LARP1B: variants seen among roughly 807,000 people sequenced by gnomAD.
LARP1B encodes La ribonucleoprotein 1B.
In LARP1B, 76 loss-of-function variants were observed where a neutral mutation model predicts 114.2. The observed-to-expected ratio is 0.67, with a 90% CI of 0.55 to 0.81. LARP1B has a LOEUF of 0.81. Among genes scored for constraint, LARP1B ranks in the 30% least tolerant of loss-of-function variants. The pLI, the probability that LARP1B is intolerant of heterozygous loss-of-function variation, is 0.00. For missense variants in LARP1B, 1,014 were observed against 1,075.8 expected (o/e 0.94, Z 0.80); for synonymous variants, 345 against 348.0 (o/e 0.99, Z 0.10).
chr4:128,128,992 G>A (rs1215486651), intron 11 of LARP1B, among the ~76,000 whole-genome samples: 2 of 151,568 alleles, frequency 1.3e-5, no homozygotes, highest in Non-Finnish European at 2.9e-5. Context: ...GTGAAACCGC[G>A]TCTCTATTAA....
intron 9 of LARP1B, chr4:128,107,932 G>T: frequency 6.5e-7 from 1 of 1,535,734 alleles, no homozygotes; most frequent in East Asian, 2.4e-5. Flanking sequence ...ATCGGAATAT[G>T]CAGTGGAATA....
At chr4:128,156,674 C>T (rs1038373741) in intron 11 of LARP1B, among the ~76,000 whole-genome samples, 22 of 151,960 alleles carry the variant, frequency 1.4e-4, no homozygotes, top group African/African-American at 5.1e-4. Context: ...CATTCTGCCG[C>T]CCCCTCCTGA....
At chr4:128,179,303 A>G in intron 14 of LARP1B, 103 bp from the exon 15 acceptor site, 1 of 626,908 alleles carries the variant, frequency 1.6e-6, no homozygotes, top group Non-Finnish European at 2.7e-6. Context: ...TGTTATCTAC[A>G]GTATGAAAAT....
chr4:128,184,045 A>C (rs1749480097), intron 15 of LARP1B, among the ~76,000 whole-genome samples: 1 of 152,332 alleles, frequency 6.6e-6, no homozygotes, highest in South Asian at 2.1e-4. Flanking sequence ...CACAGAGAGT[A>C]GTTTCTTGAG....
chr4:128,107,439 TGA>T, intron 9 of LARP1B, 126 bp downstream of exon 9: 2 of 1,505,360 alleles, frequency 1.3e-6, no homozygotes, highest in East Asian at 4.9e-5. Flanking sequence ...GAAAGACTTT[TGA>T]GTCCCATTTT....
intron 11 of LARP1B, among the ~76,000 whole-genome samples, chr4:128,157,940 T>C (rs190224895): frequency 2.8e-4 from 43 of 152,082 alleles, no homozygotes; most frequent in Admixed American, 1.1e-3. Context: ...CAGGAAGAAA[T>C]GAAGAGCAAT....
chr4:128,156,232 G>A, intron 11 of LARP1B: 1 of 1,467,978 alleles, frequency 6.8e-7, no homozygotes. Flanking sequence ...CCCTGCAGGT[G>A]CCACCCTAAG....
At chr4:128,070,818 G>C (rs1764989062) in intron 1 of LARP1B, among the ~76,000 whole-genome samples, 1 of 151,698 alleles carries the variant, frequency 6.6e-6, no homozygotes, top group African/African-American at 2.4e-5. Flanking sequence ...AAATAGCTAA[G>C]GAGTGGTCCT....
chr4:128,084,956 C>A (rs956368944), intron 5 of LARP1B, among the ~76,000 whole-genome samples: 2 of 151,802 alleles, frequency 1.3e-5, no homozygotes, highest in Non-Finnish European at 2.9e-5. Context: ...CTCTGCCTCC[C>A]GGGTTCAAGC....
rs2150967871 is a variant in LARP1B, at chr4:128,210,022, T to C, written c.2714T>C (p.Ile905Thr). Reference protein sequence around the residue: ...QVPINSPRRNISPESSDNSH With the variant: ...QVPINSPRRNTSPESSDNSH The stretch of plus-strand genomic sequence containing the variant: ...CCAATAAACTCTCCCAGAAGGAATA[T>C]TTCACCGGAGTCCAGTGACAATTCA... Residue 905 changes from isoleucine (I) to threonine (T), a missense_variant, in exon 20 of 20, where the codon ATT becomes ACT. Ile to Thr is a moderately conservative substitution (Grantham distance 89, BLOSUM62 -1). Coordinates refer to ENST00000326639, the MANE Select transcript of LARP1B (RefSeq NM_018078.4). The C allele has an allele frequency of 6.2e-6, 10 of 1,614,078 alleles. No individual in the cohort carries two copies.
intron 5 of LARP1B, among the ~76,000 whole-genome samples, chr4:128,086,977 CT>C (rs200559108): frequency 2.6e-5 from 4 of 151,284 alleles, no homozygotes; most frequent in East Asian, 1.9e-4. Context: ...TGGCCAGATA[CT>C]TTTTTTTTGT....
At chr4:128,083,382 A>G (rs955603895) in intron 5 of LARP1B, among the ~76,000 whole-genome samples, 11 of 150,840 alleles carry the variant, frequency 7.3e-5, no homozygotes, top group Middle Eastern at 3.5e-3. Context: ...CTCACCTCCC[A>G]GTAGGGGCGG....
In LARP1B at chr4:128,207,984, G is replaced by A. The variant is rs137929414; in HGVS notation, c.2547+601G>A. On this transcript the variant is annotated intron_variant, in intron 19 of 19. Coordinates refer to ENST00000326639, the MANE Select transcript of LARP1B (RefSeq NM_018078.4). ...GAGGAAAAGAAAAGCATTAAAAAAT[G>A]TCACGAATGTAAGAAGATAGAGGAA... 2.1e-4 allele frequency among the ~76,000 whole-genome samples: 32 copies of A among 152,276 alleles called. 2 individuals carry two copies. In the East Asian group the frequency reaches 6.2e-3, roughly 29 times the overall value.
intron 8 of LARP1B, among the ~76,000 whole-genome samples, chr4:128,100,085 A>G (rs539579035): frequency 1.3e-5 from 2 of 151,788 alleles, no homozygotes; most frequent in East Asian, 1.9e-4. Context: ...TCAGCCTCCC[A>G]AGTATCTGGG....
chr4:128,129,277 C>T, intron 11 of LARP1B, among the ~76,000 whole-genome samples: 1 of 147,304 alleles, frequency 6.8e-6, no homozygotes, highest in East Asian at 2.0e-4. Context: ...ACAGATTGAA[C>T]CCGGAAGGCG....
At chr4:128,219,796 A>T (rs910711249) in intron 6 of LARP1B, among the ~76,000 whole-genome samples, 48 of 147,926 alleles carry the variant, frequency 3.2e-4, no homozygotes, top group Non-Finnish European at 5.2e-4. Context: ...AAAGTATAAT[A>T]AAATAAATAA....
At chr4:128,200,298 A>C (rs1010177206) in intron 16 of LARP1B, among the ~76,000 whole-genome samples, 1 of 152,032 alleles carries the variant, frequency 6.6e-6, no homozygotes, top group Non-Finnish European at 1.5e-5. Context: ...CAGGCATTAG[A>C]TTCTCTTAAG....
Position 128,084,300 on chromosome 4 carries a change from T to C in LARP1B, c.358+1995T>C, listed in dbSNP as rs553499120. ...CTGGGAGATGGAGGTTGTAGCGAGC[T>C]GAGATCACGCCACTGCACTCCAGCC... On this transcript the variant is annotated intron_variant, in intron 5 of 19. Coordinates refer to ENST00000326639, the MANE Select transcript of LARP1B (RefSeq NM_018078.4). 1.6e-4 allele frequency among the ~76,000 whole-genome samples: 25 copies of C among 152,248 alleles called. No individual in the cohort carries two copies. In the South Asian group the frequency reaches 4.3e-3, roughly 26 times the overall value.
intron 12 of LARP1B, among the ~76,000 whole-genome samples, chr4:128,174,223 GTTC>G (rs1342529193): frequency 5.3e-5 from 8 of 151,994 alleles, no homozygotes; most frequent in Non-Finnish European, 7.4e-5. Flanking sequence ...GACTATTCAT[GTTC>G]AAGAGATGGC....
Sources: allele counts gnomAD v4.1 joint callset (sites outside exome capture counted in the v4.1 genomes callset), GRCh38; gene constraint gnomAD v4.1.1; transcripts MANE v1.5; gene names NCBI Gene and HGNC (gene_info 2026-07-23, HGNC 2026-07-21).